Variants in NTM observed in about 807,000 individuals in gnomAD.
NTM encodes the protein neurotrimin, also known as IgLON family member 2.
In NTM, 13 loss-of-function variants were observed where a neutral mutation model predicts 42.1. That is an observed-to-expected ratio of 0.31 (90% CI 0.20 to 0.49). The LOEUF is 0.49. Ranked by LOEUF, NTM falls within the 20% of genes least tolerant of loss-of-function variation. The pLI, the probability that NTM is intolerant of heterozygous loss-of-function variation, is 0.99. For missense variants in NTM, 373 were observed against 452.8 expected (o/e 0.82, Z 1.60); for synonymous variants, 187 against 179.2 (o/e 1.04, Z -0.35).
At chr11:132,005,466 A>G (rs1405783395) in intron 2 of NTM, among the ~76,000 whole-genome samples, 1 of 152,142 alleles carries the variant, frequency 6.6e-6, no homozygotes, top group East Asian at 1.9e-4. Context: ...AGATAGTAGG[A>G]CCCTAGTTAA....
At chr11:132,209,573 A>G (rs531337738) in intron 3 of NTM, among the ~76,000 whole-genome samples, 2 of 152,380 alleles carry the variant, frequency 1.3e-5, no homozygotes, top group South Asian at 2.1e-4. Context: ...CAAATATCTT[A>G]TATTAATGTA....
At chr11:132,058,885 T>C (rs963424856) in intron 2 of NTM, among the ~76,000 whole-genome samples, 4 of 152,048 alleles carry the variant, frequency 2.6e-5, no homozygotes, top group Admixed American at 2.0e-4. Context: ...TGCTCTATAT[T>C]GAATGAAATT....
intron 1 of NTM, among the ~76,000 whole-genome samples, chr11:131,491,322 T>C (rs1009556119): frequency 5.3e-5 from 8 of 152,098 alleles, no homozygotes; most frequent in African/African-American, 1.2e-4. Flanking sequence ...AAAAAGTATA[T>C]AGCTAAGAAT....
chr11:132,212,001 C>A (rs778994904), intron 3 of NTM, 21 bp from the exon 4 acceptor site: 12 of 1,599,224 alleles, frequency 7.5e-6, no homozygotes, highest in Non-Finnish European at 1.0e-5. Flanking sequence ...TTTTTATTTT[C>A]ATTCTGTCTT....
intron 1 of NTM, among the ~76,000 whole-genome samples, chr11:131,514,754 A>C (rs550880953): frequency 5.8e-4 from 88 of 151,864 alleles, no homozygotes; most frequent in Middle Eastern, 6.8e-3. Context: ...ACGCCTGACT[A>C]AGTTTTGTAT....
chr11:132,223,019 T>C (rs541657833), intron 4 of NTM, among the ~76,000 whole-genome samples: 1 of 152,340 alleles, frequency 6.6e-6, no homozygotes, highest in Admixed American at 6.5e-5. Flanking sequence ...AATGGCTTTC[T>C]CCCTCATTGA....
At chr11:131,371,145 G>T (rs1401026538) in intron 1 of NTM, 7 of 971,338 alleles carry the variant, frequency 7.2e-6, no homozygotes, top group Non-Finnish European at 7.3e-6. Flanking sequence ...GACTGTGCTT[G>T]TGTGCAAGGC....
At chr11:132,331,516 T>A (rs1035426035) in intron 8 of NTM, among the ~76,000 whole-genome samples, 12 of 152,326 alleles carry the variant, frequency 7.9e-5, no homozygotes, top group African/African-American at 2.9e-4. Flanking sequence ...TAAGCAAAAG[T>A]AAAACACAAA....
chr11:132,298,493 G>A (rs2094710621), intron 4 of NTM, among the ~76,000 whole-genome samples: 1 of 152,166 alleles, frequency 6.6e-6, no homozygotes, highest in Admixed American at 6.5e-5. Flanking sequence ...TCCTGAGAAG[G>A]CTCACAGCAG....
Position 131,988,201 on chromosome 11 carries a change from C to T in NTM, c.167+76553C>T, listed in dbSNP as rs57697719. On this transcript the variant is annotated intron_variant, in intron 2 of 8. Transcript: ENST00000683400. ...ACTTATGGGGGTTCCACACTCATTA[C>T]TTAATAATTCCCCAAAAGCCCTGCT... Among the ~76,000 whole-genome samples, 679 of 152,298 alleles carry T rather than the reference C, an allele frequency of 4.5e-3. 9 individuals are homozygous for T. The highest frequency in any genetic ancestry group is 0.015 in the African/African-American group (638 of 41,560).
rs933097571 is a variant in NTM at position 131,949,125 on chromosome 11, C to T, written c.167+37477C>T. 3.9e-5 allele frequency among the ~76,000 whole-genome samples: 6 copies of T among 152,288 alleles called. No homozygotes were observed. In the East Asian group the frequency reaches 1.2e-3, roughly 29 times the overall value. On this transcript the variant is annotated intron_variant, in intron 2 of 8. Transcript: ENST00000683400. ...CTTATTTCACCTAGTGTGATGTCCT[C>T]CAGGTTCATCCGTGTCGTCACATAT...
intron 4 of NTM, among the ~76,000 whole-genome samples, chr11:132,295,686 G>A (rs1205152124): frequency 2.0e-5 from 3 of 152,204 alleles, no homozygotes. Context: ...CTTCACTGGT[G>A]TGTCCAGTGG....
intron 3 of NTM, among the ~76,000 whole-genome samples, chr11:132,210,922 T>A (rs2082722745): frequency 6.6e-6 from 1 of 152,018 alleles, no homozygotes; most frequent in Non-Finnish European, 1.5e-5. Flanking sequence ...CTTCTCTCCC[T>A]AGGGGGAGTC....
intron 1 of NTM, among the ~76,000 whole-genome samples, chr11:131,488,210 T>C (rs909317245): frequency 6.6e-6 from 1 of 152,212 alleles, no homozygotes; most frequent in South Asian, 2.1e-4. Flanking sequence ...GAATGACTTA[T>C]GATTTCTTAT....
At position 132,335,312 on chromosome 11, in the gene NTM, G is replaced by C. The variant is rs953991230; in HGVS notation, c.*166G>C. ...AGGGAGGGGAACAAAGAATACTTTG[G>C]GGGGAAAAAAGTTTTAAAAAAGAAA... On this transcript the variant is annotated 3_prime_UTR_variant, in exon 9 of 9. Transcript: ENST00000683400. 8 of 739,832 alleles carry C rather than the reference G, an allele frequency of 1.1e-5. No homozygotes were observed. The highest frequency in any genetic ancestry group is 2.0e-5 in the South Asian group (1 of 50,250). The allele number at this position is 739,832 out of a possible 1,614,324, so 45.8% of individuals were successfully genotyped here. A position where few individuals can be genotyped will look rare whatever the true frequency, so the allele number is the denominator to read the frequency against.
intron 4 of NTM, among the ~76,000 whole-genome samples, chr11:132,218,266 G>T (rs943557064): frequency 7.9e-5 from 12 of 152,082 alleles, no homozygotes; most frequent in African/African-American, 2.9e-4. Flanking sequence ...CAACACCAAA[G>T]GACTGAGAAG....
intron 1 of NTM, among the ~76,000 whole-genome samples, chr11:131,493,639 C>T (rs1028041738): frequency 6.6e-6 from 1 of 152,190 alleles, no homozygotes; most frequent in Non-Finnish European, 1.5e-5. Context: ...AGCCACTCTG[C>T]AAGTTAGATA....
Position 132,139,062 on chromosome 11 carries a change from C to T in NTM, c.168-7220C>T, listed in dbSNP as rs370283554. ...AATTCCCACTGAACTTTCGGCACTTCTGGGCTCTTTCCTTTATGAATGGTT... is the reference window on the plus strand; with the variant it reads ...AATTCCCACTGAACTTTCGGCACTTTTGGGCTCTTTCCTTTATGAATGGTT... On this transcript the variant is annotated intron_variant, in intron 2 of 8. Coordinates refer to ENST00000683400, the MANE Select transcript of NTM (RefSeq NM_001352005.2). Among the ~76,000 whole-genome samples the T allele has an allele frequency of 5.9e-5, 9 of 152,320 alleles. No homozygotes were observed. The East Asian group carries it at 1.2e-3, about 20-fold the overall frequency.
chr11:131,952,168 T>C (rs2061076342), intron 2 of NTM, among the ~76,000 whole-genome samples: 1 of 152,022 alleles, frequency 6.6e-6, no homozygotes, highest in Non-Finnish European at 1.5e-5. Context: ...ATAAAACACA[T>C]CTCCGATTCT....
Sources: allele counts gnomAD v4.1 joint callset (sites outside exome capture counted in the v4.1 genomes callset), GRCh38; gene constraint gnomAD v4.1.1; transcripts MANE v1.5; gene names NCBI Gene and HGNC (gene_info 2026-07-23, HGNC 2026-07-21).